Variants in IRAK1BP1 observed in about 807,000 individuals in gnomAD.
IRAK1BP1 encodes interleukin 1 receptor associated kinase 1 binding protein 1, also known as interleukin-1 receptor-associated kinase 1-binding protein 1.
In IRAK1BP1, 24 loss-of-function variants were observed where a neutral mutation model predicts 28.0. The observed-to-expected ratio is 0.86, with a 90% CI of 0.62 to 1.20. The LOEUF (loss-of-function observed/expected upper bound fraction) is 1.20. Among genes scored for constraint, IRAK1BP1 ranks in the 50% most tolerant of loss-of-function variants. IRAK1BP1 has a pLI of 0.00. For synonymous variants in IRAK1BP1, 131 were observed against 116.3 expected, an observed-to-expected ratio of 1.13 and a Z score of -0.81; for missense variants, 336 against 316.7, an observed-to-expected ratio of 1.06 and a Z score of -0.46.
At chr6:78,878,472 C>T (rs1771094197) in intron 1 of IRAK1BP1, among the ~76,000 whole-genome samples, 1 of 152,108 alleles carries the variant, frequency 6.6e-6, no homozygotes, top group Admixed American at 6.5e-5. Context: ...AAAGGACATC[C>T]ACAACAAAAC....
downstream of IRAK1BP1, chr6:78,947,846 G>T: frequency 9.4e-7 from 1 of 1,058,660 alleles, no homozygotes; most frequent in Non-Finnish European, 1.4e-6. Context: ...GCAGGGATTC[G>T]CACAGGATTT....
chr6:78,935,378 TAGTC>T, intron 4 of IRAK1BP1: 2 of 315,846 alleles, frequency 6.3e-6, no homozygotes, highest in South Asian at 1.3e-4. Context: ...TTGGGATTCT[TAGTC>T]AATAAAAATG....
At chr6:78,961,869 G>C in the IRAK1BP1 span, 4 of 1,359,666 alleles carry the variant, frequency 2.9e-6, no homozygotes, top group African/African-American at 2.9e-5. Context: ...AATTCAAGAA[G>C]AATTCTGCTT....
chr6:78,889,451 T>C (rs1001559436), intron 2 of IRAK1BP1, among the ~76,000 whole-genome samples: 1 of 151,874 alleles, frequency 6.6e-6, no homozygotes, highest in Non-Finnish European at 1.5e-5. Flanking sequence ...AAAGAGCTTC[T>C]GCACAGCAAA....
intron 1 of IRAK1BP1, among the ~76,000 whole-genome samples, chr6:78,881,851 A>G (rs1400183860): frequency 1.3e-5 from 2 of 152,156 alleles, no homozygotes; most frequent in South Asian, 2.1e-4. Context: ...GTTTCTCACT[A>G]TCAGAGAGGG....
At chr6:78,921,993 C>T (rs1025279971) in intron 4 of IRAK1BP1, among the ~76,000 whole-genome samples, 4 of 152,012 alleles carry the variant, frequency 2.6e-5, no homozygotes, top group South Asian at 2.1e-4. Flanking sequence ...GCAGAAAAAC[C>T]GAAAATTCTA....
chr6:78,949,731 C>G (rs1774036666), downstream of IRAK1BP1, among the ~76,000 whole-genome samples: 1 of 151,912 alleles, frequency 6.6e-6, no homozygotes, highest in Non-Finnish European at 1.5e-5. Flanking sequence ...ACTCTATTGC[C>G]AGGCTAGAGT....
the IRAK1BP1 span, chr6:78,962,994 C>T: frequency 1.1e-6 from 1 of 942,010 alleles, no homozygotes; most frequent in Non-Finnish European, 1.6e-6. Context: ...AAACCACTGA[C>T]TTAGGATATT....
At chr6:78,958,584 T>C in the IRAK1BP1 span, 1 of 1,573,318 alleles carries the variant, frequency 6.4e-7, no homozygotes, top group East Asian at 2.2e-5. Flanking sequence ...ACTTCCCACA[T>C]TAGGGAAGAA....
chr6:78,922,619 T>A (rs554461733), intron 4 of IRAK1BP1, among the ~76,000 whole-genome samples: 5 of 152,158 alleles, frequency 3.3e-5, no homozygotes, highest in Admixed American at 3.3e-4. Context: ...GACACATAAT[T>A]GTCAGATTCA....
intron 1 of IRAK1BP1, among the ~76,000 whole-genome samples, chr6:78,872,559 T>C (rs1411979166): frequency 2.0e-5 from 3 of 152,222 alleles, no homozygotes; most frequent in Non-Finnish European, 4.4e-5. Context: ...TATGTACCAG[T>C]GGAATATTTG....
intron 4 of IRAK1BP1, among the ~76,000 whole-genome samples, chr6:78,932,122 G>A (rs1463162048): frequency 1.3e-5 from 2 of 152,150 alleles, no homozygotes; most frequent in African/African-American, 4.8e-5. Flanking sequence ...TGAGATTGCA[G>A]CAATTCAGTC....
intron 4 of IRAK1BP1, among the ~76,000 whole-genome samples, chr6:78,941,574 T>C (rs1162711292): frequency 6.6e-6 from 1 of 152,194 alleles, no homozygotes; most frequent in Admixed American, 6.5e-5. Flanking sequence ...AATAAGTGAC[T>C]TATCTAAGTT....
the IRAK1BP1 span, chr6:78,955,919 C>T: frequency 3.7e-6 from 1 of 267,272 alleles, no homozygotes; most frequent in Middle Eastern, 1.0e-3. Context: ...TCTCATCTCC[C>T]AGTCTTTGCT....
At chr6:78,883,952 A>G (rs1157874622) in intron 1 of IRAK1BP1, among the ~76,000 whole-genome samples, 2 of 152,078 alleles carry the variant, frequency 1.3e-5, no homozygotes, top group South Asian at 2.1e-4. Context: ...GATACTATCT[A>G]TGGTTTCAGG....
chr6:78,961,605 G>A, the IRAK1BP1 span: 3 of 1,388,840 alleles, frequency 2.2e-6, no homozygotes, highest in Non-Finnish European at 3.0e-6. Flanking sequence ...TATACAAAAA[G>A]TTGAGAAACA....
downstream of IRAK1BP1, among the ~76,000 whole-genome samples, chr6:78,905,467 A>G (rs548385496): frequency 1.3e-5 from 2 of 152,246 alleles, no homozygotes; most frequent in Non-Finnish European, 2.9e-5. Context: ...TAGAATATTC[A>G]GAAAGGGACA....
chr6:78,915,637 C>T (rs1445527184), intron 4 of IRAK1BP1, among the ~76,000 whole-genome samples: 3 of 152,150 alleles, frequency 2.0e-5, no homozygotes, highest in South Asian at 4.1e-4. Flanking sequence ...AACAGCCTTG[C>T]CAAACCTTCC....
chr6:78,971,953 G>A, the IRAK1BP1 span, among the ~76,000 whole-genome samples: 1 of 152,148 alleles, frequency 6.6e-6, no homozygotes, highest in African/African-American at 2.4e-5. Flanking sequence ...GCTGGGGGAG[G>A]GGCGCCCACC....
Sources: gnomAD v4.1 joint callset for allele counts (sites outside exome capture counted in the v4.1 genomes callset) on GRCh38, gnomAD v4.1.1 for gene constraint, MANE v1.5 for transcripts, NCBI Gene and HGNC (gene_info 2026-07-23, HGNC 2026-07-21) for gene names.